DHX57: variants seen among roughly 807,000 people sequenced by gnomAD.
DHX57 encodes putative ATP-dependent RNA helicase DHX57.
In DHX57, 105 loss-of-function variants were observed where a neutral mutation model predicts 156.2. The ratio of observed to expected loss-of-function variants is 0.67; its 90% CI spans 0.57 to 0.79. The LOEUF is 0.79. DHX57 is among the 30% of genes least tolerant of loss of function. DHX57 has a pLI of 0.00. For synonymous variants in DHX57, 704 were observed against 595.6 expected (o/e 1.18, Z -2.65); for missense variants, 1,847 against 1,661.9 (o/e 1.11, Z -1.94).
rs150666148 is a variant in DHX57, at chr2:38,873,137, G to A, written c.-7+2650C>T. ...CGAGTAGCTGGGACTACAGGCACCC[G>A]CCACCATGCTCCCTGACTAATTTTT... On this transcript the variant is annotated intron_variant, in intron 1 of 23. Coordinates refer to ENST00000457308, the MANE Select transcript of DHX57 (RefSeq NM_198963.3). Among the ~76,000 whole-genome samples, 141 of 152,072 alleles carry A rather than the reference G, an allele frequency of 9.3e-4. 2 individuals are homozygous for A. In the East Asian group the frequency reaches 0.023, roughly 24 times the overall value.
At chr2:38,874,223 C>T (rs1223468841) in intron 1 of DHX57, among the ~76,000 whole-genome samples, 1 of 151,886 alleles carries the variant, frequency 6.6e-6, no homozygotes, top group Admixed American at 6.6e-5. Flanking sequence ...TCCTGAATAG[C>T]TGGGACCACA....
At chr2:38,820,615 A>C (rs1454720830) in intron 17 of DHX57, among the ~76,000 whole-genome samples, 1 of 152,108 alleles carries the variant, frequency 6.6e-6, no homozygotes, top group Non-Finnish European at 1.5e-5. Flanking sequence ...TTTTTTAAAG[A>C]GTAGTCAAGT....
Position 38,861,208 on chromosome 2 carries a change from G to A in DHX57, c.1202C>T (p.Ala401Val), listed in dbSNP as rs774769962. 4.3e-6 allele frequency: 7 copies of A among 1,614,076 alleles called. No homozygotes were observed. The highest frequency in any genetic ancestry group is 5.9e-6 in the Non-Finnish European group (7 of 1,180,004). The change falls in exon 5 of 24, where the codon GCG becomes GTG. Residue 401 changes from alanine (A) to valine (V), a missense_variant. Ala to Val is a moderately conservative substitution (Grantham distance 64). Coordinates refer to ENST00000457308, the MANE Select transcript of DHX57 (RefSeq NM_198963.3). ...ATATACGACAGGTTCCGAAGTTTCC[G>A]CAAATGTCAAGGCCTTGTCATAAAG... The part of the protein sequence containing the change: ...EFLYDKALTF[A>V]ETSEPVVYSL...
intron 13 of DHX57, among the ~76,000 whole-genome samples, chr2:38,833,458 G>A (rs2124842275): frequency 6.6e-6 from 1 of 152,046 alleles, no homozygotes; most frequent in Admixed American, 6.6e-5. Flanking sequence ...TTAGATATTA[G>A]GATAGAGTAA....
chr2:38,820,503 G>T (rs562441584), intron 17 of DHX57, among the ~76,000 whole-genome samples: 1 of 152,088 alleles, frequency 6.6e-6, no homozygotes, highest in Non-Finnish European at 1.5e-5. Flanking sequence ...TAGATGATTT[G>T]GGAAAAGGTA....
intron 8 of DHX57, chr2:38,854,782 G>T (rs1364712244): frequency 3.5e-6 from 1 of 288,008 alleles, no homozygotes; most frequent in Admixed American, 4.6e-5. Flanking sequence ...GGCTGGTCTC[G>T]AACTCCCGAC....
intron 21 of DHX57, chr2:38,810,557 G>A: frequency 1.7e-6 from 1 of 574,996 alleles, no homozygotes; most frequent in Non-Finnish European, 3.3e-6. Flanking sequence ...ATGCTCACCT[G>A]CTCTCCACTG....
At chr2:38,851,315 G>A (rs1321432333) in intron 9 of DHX57, among the ~76,000 whole-genome samples, 2 of 152,074 alleles carry the variant, frequency 1.3e-5, no homozygotes, top group Non-Finnish European at 2.9e-5. Context: ...GTATGCCTTA[G>A]AATGATCATG....
chr2:38,815,934 C>G (rs1052770861), intron 19 of DHX57: 2 of 447,300 alleles, frequency 4.5e-6, no homozygotes, highest in Middle Eastern at 1.2e-3. Context: ...ATTTTAAACA[C>G]TCTCATTGGA....
intron 13 of DHX57, among the ~76,000 whole-genome samples, chr2:38,834,438 C>T (rs143047008): frequency 1.5e-4 from 23 of 151,768 alleles, no homozygotes; most frequent in Middle Eastern, 3.4e-3. Flanking sequence ...ATTTTGTAGC[C>T]ACCTCCTGTT....
At position 38,798,239 on chromosome 2, in the gene DHX57, C is replaced by T; in HGVS notation, c.*60G>A. ...TCTTTAGTTCGAGGTAGAGGTTCTG[C>T]TGTTATTTCCCAGGTGAGCTAGAAG... On this transcript the variant is annotated 3_prime_UTR_variant, in exon 24 of 24. Transcript: ENST00000457308. The T allele has an allele frequency of 6.4e-7, 1 of 1,564,162 alleles. No homozygotes were observed.
chr2:38,858,633 C>T lies in DHX57; in HGVS notation c.1587+28G>A, dbSNP rs544692853. The T allele has an allele frequency of 3.3e-5, 53 of 1,589,768 alleles. 1 individual carries two copies. The highest frequency in any genetic ancestry group is 2.0e-4 in the Admixed American group (11 of 55,310). On this transcript the variant is annotated intron_variant, in intron 6 of 23. Transcript: ENST00000457308. ...CATCATCCAGATATTAGGGAGGCAACGTTACTCATTCTCTCAGCATACCCT... is the reference window on the plus strand; with the variant it reads ...CATCATCCAGATATTAGGGAGGCAATGTTACTCATTCTCTCAGCATACCCT...
chr2:38,837,611 C>CAA (rs55733950), intron 13 of DHX57, among the ~76,000 whole-genome samples: 3 of 50,344 alleles, frequency 6.0e-5, no homozygotes, highest in Admixed American at 3.8e-4. Flanking sequence ...AACCCCGTCT[C>CAA]AAAAAAAAAA....
At chr2:38,810,789 G>A in intron 21 of DHX57, 4 of 762,644 alleles carry the variant, frequency 5.2e-6, no homozygotes, top group Non-Finnish European at 9.3e-6. Context: ...AGCCCTCAAT[G>A]TCTAAATGAG....
At chr2:38,805,968 A>G (rs556171832) in intron 22 of DHX57, among the ~76,000 whole-genome samples, 2 of 152,262 alleles carry the variant, frequency 1.3e-5, no homozygotes, top group South Asian at 4.1e-4. Context: ...TTCAGAGCAA[A>G]GGAAGATAAG....
In DHX57 at chr2:38,837,869, A is replaced by G; in HGVS notation, c.2504T>C (p.Leu835Ser). 1 of 1,612,742 alleles carries G rather than the reference A, an allele frequency of 6.2e-7. No homozygotes were observed. Among genetic ancestry groups the G allele is most frequent in the Non-Finnish European group, 8.5e-7 (1 of 1,178,802 alleles). ...GTGCTTTCCATCCACAATCCACTCTAATAAGGCCTCTATTAATTCAAGATT... is the reference window on the plus strand; with the variant it reads ...GTGCTTTCCATCCACAATCCACTCTGATAAGGCCTCTATTAATTCAAGATT... ...KVNLELIEALLEWIVDGKHSY... is the reference protein window; with the variant it reads ...KVNLELIEALSEWIVDGKHSY... Residue 835 changes from leucine to serine, a missense_variant, in exon 13 of 24, where the codon TTA becomes TCA. Coordinates refer to ENST00000457308, the MANE Select transcript of DHX57 (RefSeq NM_198963.3).
chr2:38,816,782 G>T (rs1670566966), intron 19 of DHX57, among the ~76,000 whole-genome samples: 1 of 152,042 alleles, frequency 6.6e-6, no homozygotes, highest in African/African-American at 2.4e-5. Context: ...TCTATTTCAT[G>T]ACAAAGTTTT....
chr2:38,863,312 C>T (rs199808115), intron 3 of DHX57, 49 bp downstream of exon 3: 1 of 1,565,962 alleles, frequency 6.4e-7, no homozygotes, highest in African/African-American at 1.4e-5. Context: ...CTTCACACTG[C>T]CAGTATGTTT....
intron 16 of DHX57, among the ~76,000 whole-genome samples, chr2:38,824,156 C>T (rs921885998): frequency 1.3e-5 from 2 of 152,160 alleles, no homozygotes; most frequent in Admixed American, 6.5e-5. Context: ...TATATACATA[C>T]AGTGGAATAC....
Sources: allele counts gnomAD v4.1 joint callset (sites outside exome capture counted in the v4.1 genomes callset), GRCh38; gene constraint gnomAD v4.1.1; transcripts MANE v1.5; gene names NCBI Gene and HGNC (gene_info 2026-07-23, HGNC 2026-07-21).